The following ANKRD36C variants were observed in gnomAD, a reference collection of about 807,000 sequenced individuals.
ANKRD36C encodes ankyrin repeat domain-containing protein 36C.
In ANKRD36C, 61 loss-of-function variants were observed where a neutral mutation model predicts 276.4. The observed-to-expected ratio is 0.22, with a 90% CI of 0.18 to 0.27. The LOEUF (loss-of-function observed/expected upper bound fraction) is 0.27. Ranked by LOEUF, ANKRD36C falls within the 10% of genes least tolerant of loss-of-function variation. The pLI, the probability that ANKRD36C is intolerant of heterozygous loss-of-function variation, is 1.00. For synonymous variants in ANKRD36C, 483 were observed against 680.1 expected, an observed-to-expected ratio of 0.71 and a Z score of 4.51; for missense variants, 1,447 against 2,032.3, an observed-to-expected ratio of 0.71 and a Z score of 5.54.
intron 6 of ANKRD36C, among the ~76,000 whole-genome samples, chr2:95,975,517 G>C (rs921543924): frequency 2.4e-4 from 37 of 152,152 alleles, no homozygotes; most frequent in Non-Finnish European, 4.3e-4. Flanking sequence ...AGAAAAACAA[G>C]CAATGGGGAA....
chr2:95,980,931 T>A (rs1368982367), intron 4 of ANKRD36C, 146 bp from the exon 5 acceptor site: 2 of 1,261,402 alleles, frequency 1.6e-6, no homozygotes, highest in Non-Finnish European at 2.1e-6. Context: ...TGCTCAAGGG[T>A]ATATCTTTGC....
At chr2:95,878,662 G>A (rs1676007739) in intron 58 of ANKRD36C, among the ~76,000 whole-genome samples, 2 of 152,190 alleles carry the variant, frequency 1.3e-5, no homozygotes, top group Admixed American at 6.5e-5. Flanking sequence ...AAATGATACT[G>A]TTATGTTTCA....
In ANKRD36C at chr2:95,897,343, C is replaced by G; in HGVS notation, c.2755+1802G>C. On this transcript the variant is annotated intron_variant, in intron 44 of 66. Transcript: ENST00000456556. ...GAGAATCTTTCTCATCTCTTGTAGC[C>G]TGAATGGAATTTGAAATGAAATAAT... The G allele has an allele frequency of 6.4e-7, 1 of 1,553,206 alleles. No individual in the cohort carries two copies. The highest frequency in any genetic ancestry group is 8.7e-7 in the Non-Finnish European group (1 of 1,144,580).
exon 61 of ANKRD36C, chr2:95,859,912 G>C (rs762076496): frequency 2.9e-5 from 45 of 1,550,294 alleles, no homozygotes; most frequent in Non-Finnish European, 3.9e-5. Context: ...CTTTAACTGC[G>C]ATTTTATTTC....
chr2:95,887,616 C>T (rs1490743120), intron 50 of ANKRD36C, among the ~76,000 whole-genome samples: 1 of 151,642 alleles, frequency 6.6e-6, no homozygotes, highest in Non-Finnish European at 1.5e-5. Flanking sequence ...TCTCCTTCTA[C>T]CCTTATTGAA....
intron 44 of ANKRD36C, among the ~76,000 whole-genome samples, chr2:95,895,853 T>A (rs1265046760): frequency 6.6e-6 from 1 of 150,950 alleles, no homozygotes; most frequent in Admixed American, 6.6e-5. Context: ...CGTGTCAATA[T>A]CAATGTGGAT....
chr2:95,966,249 A>G (rs867291137), intron 6 of ANKRD36C, among the ~76,000 whole-genome samples: 2 of 152,218 alleles, frequency 1.3e-5, no homozygotes, highest in East Asian at 3.8e-4. Flanking sequence ...GCCCATGCCT[A>G]TGTCCTGAAT....
chr2:95,987,258 C>A (rs922391667), intron 1 of ANKRD36C, 52 bp from the exon 2 acceptor site: 10 of 1,497,196 alleles, frequency 6.7e-6, no homozygotes, highest in Non-Finnish European at 8.0e-6. Context: ...CATTAATTAG[C>A]ATGTTATTTC....
chr2:95,955,035 A>T (rs1336789398), intron 13 of ANKRD36C, among the ~76,000 whole-genome samples: 1 of 152,288 alleles, frequency 6.6e-6, no homozygotes, highest in Non-Finnish European at 1.5e-5. Flanking sequence ...CACCCCAAGC[A>T]TATGCATGTT....
At chr2:95,967,408 T>C (rs1462933720) in intron 6 of ANKRD36C, among the ~76,000 whole-genome samples, 1 of 152,182 alleles carries the variant, frequency 6.6e-6, no homozygotes, top group East Asian at 1.9e-4. Context: ...CACTGATCAT[T>C]AGAGAAATGC....
At chr2:95,943,539 ATTTTTATTAT>A (rs1369730039) in intron 19 of ANKRD36C, among the ~76,000 whole-genome samples, 3 of 150,674 alleles carry the variant, frequency 2.0e-5, no homozygotes, top group African/African-American at 7.3e-5. Context: ...GTATAAATTA[ATTTTTATTAT>A]TTTTTATTAT....
intron 22 of ANKRD36C, among the ~76,000 whole-genome samples, chr2:95,936,874 G>T (rs1199030326): frequency 2.0e-5 from 3 of 152,198 alleles, no homozygotes; most frequent in Non-Finnish European, 4.4e-5. Flanking sequence ...GGACTAACTT[G>T]TACAAATTCC....
intron 14 of ANKRD36C, among the ~76,000 whole-genome samples, chr2:95,952,106 G>T (rs1308865375): frequency 6.6e-6 from 1 of 152,296 alleles, no homozygotes; most frequent in Non-Finnish European, 1.5e-5. Flanking sequence ...AAGACATGTG[G>T]TCTGCAAGGA....
In ANKRD36C at chr2:95,890,046, A is replaced by T. The variant is rs1265065862; in HGVS notation, c.2858-52T>A. ...ACTCATACGTAAATATGATAAAGTTATTCATACATTCATACAGTGTTAGCA... is the reference window on the plus strand; with the variant it reads ...ACTCATACGTAAATATGATAAAGTTTTTCATACATTCATACAGTGTTAGCA... On this transcript the variant is annotated intron_variant, in intron 46 of 66. Coordinates refer to ENST00000456556, the Ensembl canonical transcript of ANKRD36C. The T allele has an allele frequency of 3.2e-6, 5 of 1,566,108 alleles. No homozygotes were observed. The Admixed American group carries it at 6.7e-5, about 21-fold the overall frequency.
intron 6 of ANKRD36C, among the ~76,000 whole-genome samples, chr2:95,972,584 A>C (rs191289637): frequency 7.9e-5 from 12 of 152,326 alleles, no homozygotes; most frequent in Middle Eastern, 3.4e-3. Flanking sequence ...CTTCTAAGTG[A>C]ATCGCCAAAC....
chr2:95,925,321 A>G (rs886557490), intron 30 of ANKRD36C, 31 bp downstream of exon 30: 11 of 1,560,094 alleles, frequency 7.1e-6, no homozygotes, highest in African/African-American at 1.4e-5. Flanking sequence ...TCTTGAGTGC[A>G]CATGACATTA....
chr2:95,986,778 A>G (rs559331374), exon 3 of ANKRD36C: 36 of 1,611,920 alleles, frequency 2.2e-5, no homozygotes, highest in Non-Finnish European at 2.8e-5. Context: ...TATTTGCACC[A>G]TATGAAAGAA....
intron 6 of ANKRD36C, among the ~76,000 whole-genome samples, chr2:95,970,531 T>C (rs965205079): frequency 2.5e-4 from 38 of 152,132 alleles, no homozygotes; most frequent in African/African-American, 8.2e-4. Context: ...GCTACCAAGA[T>C]GTGCCAACAG....
intron 13 of ANKRD36C, among the ~76,000 whole-genome samples, chr2:95,956,571 A>G (rs1204651646): frequency 5.3e-5 from 8 of 152,256 alleles, no homozygotes; most frequent in African/African-American, 1.9e-4. Context: ...TCATGAGCCA[A>G]TATTTCAACC....
Sources: allele counts gnomAD v4.1 joint callset (sites outside exome capture counted in the v4.1 genomes callset), GRCh38; gene constraint gnomAD v4.1.1; transcripts MANE v1.5; gene names NCBI Gene and HGNC (gene_info 2026-07-23, HGNC 2026-07-21).